The following SLC49A4 variants were observed in gnomAD, a reference collection of about 807,000 sequenced individuals.
SLC49A4 encodes solute carrier family 49 member 4, also known as disrupted in renal cancer protein 2.
SLC49A4 carries 36 observed loss-of-function variants against 50.6 expected under a neutral mutation model. The observed-to-expected ratio is 0.71, with a 90% CI of 0.55 to 0.94. The LOEUF (loss-of-function observed/expected upper bound fraction) is 0.94. Ranked by LOEUF, SLC49A4 falls within the 40% of genes least tolerant of loss-of-function variation. The probability of loss-of-function intolerance (pLI) is 0.00; values close to 1 mark genes in which losing one functional copy is unlikely to be tolerated. For synonymous variants in SLC49A4, 248 were observed against 241.2 expected, an observed-to-expected ratio of 1.03 and a Z score of -0.26; for missense variants, 503 against 605.7, an observed-to-expected ratio of 0.83 and a Z score of 1.78.
chr3:122,872,471 A>G lies in SLC49A4; in HGVS notation c.1195A>G (p.Ile399Val), dbSNP rs751927049. The stretch of plus-strand genomic sequence containing the variant: ...AGTGTTCTTGAATAGCAGCGTGCCT[A>G]TATTTTTTGAGCTTTTTGTGGAAAC... ...LGVFLNSSVPIFFELFVETVY... is the reference protein window; with the variant it reads ...LGVFLNSSVPVFFELFVETVY... The change falls in exon 8 of 9, where the codon ATA becomes GTA. Residue 399 changes from isoleucine (I) to valine (V), a missense_variant. Coordinates refer to ENST00000261038, the MANE Select transcript of SLC49A4 (RefSeq NM_032839.3). The G allele has an allele frequency of 5.6e-6, 9 of 1,613,856 alleles. No homozygotes were observed. The highest frequency in any genetic ancestry group is 1.3e-5 in the African/African-American group (1 of 74,908).
rs1469588680 is a variant in SLC49A4, at chr3:122,879,973, C to T, written c.*595C>T. On this transcript the variant is annotated 3_prime_UTR_variant, in exon 9 of 9. Coordinates refer to ENST00000261038, the MANE Select transcript of SLC49A4 (RefSeq NM_032839.3). ...CCATCTTTACTATGGTGATCAGGTG[C>T]TTTCCAGTGACTTCTGAGCATAGGC... 3.3e-5 allele frequency: 5 copies of T among 152,656 alleles called. No individual in the cohort carries two copies. The highest frequency in any genetic ancestry group is 7.2e-5 in the African/African-American group (3 of 41,466). The allele number at this position is 152,656 out of a possible 1,614,324, so 9.5% of individuals were successfully genotyped here.
intron 4 of SLC49A4, among the ~76,000 whole-genome samples, chr3:122,836,084 G>A (rs1936680461): frequency 1.3e-5 from 2 of 152,102 alleles, no homozygotes; most frequent in African/African-American, 4.8e-5. Flanking sequence ...ACAAAACACT[G>A]CTGAAAGAAA....
At chr3:122,817,839 C>T (rs78930232) in intron 2 of SLC49A4, among the ~76,000 whole-genome samples, 4,977 of 148,944 alleles carry the variant, frequency 0.033, 115 homozygotes, top group Non-Finnish European at 0.044. Flanking sequence ...ACATGATCCA[C>T]CTGCCCTGGC....
intron 4 of SLC49A4, among the ~76,000 whole-genome samples, chr3:122,842,599 G>A (rs1381268257): frequency 1.3e-5 from 2 of 150,432 alleles, no homozygotes; most frequent in Admixed American, 1.3e-4. Flanking sequence ...GGACTATTCT[G>A]TAGGAAATCG....
intron 4 of SLC49A4, among the ~76,000 whole-genome samples, chr3:122,840,577 T>A (rs1936757333): frequency 6.6e-6 from 1 of 152,134 alleles, no homozygotes. Flanking sequence ...ATCTAAAACA[T>A]TATTTTAACA....
intron 8 of SLC49A4, among the ~76,000 whole-genome samples, chr3:122,877,675 A>G (rs1006510926): frequency 2.6e-5 from 4 of 152,194 alleles, no homozygotes; most frequent in African/African-American, 4.8e-5. Flanking sequence ...CTGAAGTCCA[A>G]GCTCTCCCTT....
At chr3:122,855,941 T>A (rs1936983896) in intron 5 of SLC49A4, among the ~76,000 whole-genome samples, 1 of 152,248 alleles carries the variant, frequency 6.6e-6, no homozygotes, top group African/African-American at 2.4e-5. Flanking sequence ...ACATTTTTAG[T>A]TGTTGCCCCA....
chr3:122,797,705 G>A (rs1936066855), intron 1 of SLC49A4, among the ~76,000 whole-genome samples: 1 of 152,208 alleles, frequency 6.6e-6, no homozygotes, highest in African/African-American at 2.4e-5. Context: ...TTTCTGCTGG[G>A]CTCAGTGGCT....
chr3:122,825,769 T>G (rs1936517559), intron 2 of SLC49A4, among the ~76,000 whole-genome samples: 1 of 151,512 alleles, frequency 6.6e-6, no homozygotes, highest in Non-Finnish European at 1.5e-5. Flanking sequence ...GCAAGAGAGG[T>G]CGACACATCT....
At chr3:122,833,274 T>C (rs1215111654) in intron 3 of SLC49A4, 43 bp from the exon 4 acceptor site, 1 of 1,590,114 alleles carries the variant, frequency 6.3e-7, no homozygotes, top group Middle Eastern at 1.7e-4. Flanking sequence ...TCTTCAACTT[T>C]TTGTGTTTCC....
chr3:122,869,885 G>C, intron 7 of SLC49A4, among the ~76,000 whole-genome samples: 1 of 152,172 alleles, frequency 6.6e-6, no homozygotes, highest in Non-Finnish European at 1.5e-5. Flanking sequence ...TGTATCAGAA[G>C]AGACTGGACT....
intron 1 of SLC49A4, among the ~76,000 whole-genome samples, chr3:122,806,452 A>G (rs559198455): frequency 6.6e-6 from 1 of 152,044 alleles, no homozygotes; most frequent in Non-Finnish European, 1.5e-5. Context: ...ATCTCAGCTC[A>G]CTGTAGCCTC....
At chr3:122,834,311 C>A (rs1936646651) in intron 4 of SLC49A4, among the ~76,000 whole-genome samples, 1 of 152,112 alleles carries the variant, frequency 6.6e-6, no homozygotes, top group East Asian at 1.9e-4. Context: ...AGTAATCTTA[C>A]ATTTTCTGAT....
chr3:122,835,634 C>T (rs1936672868), intron 4 of SLC49A4, among the ~76,000 whole-genome samples: 1 of 151,948 alleles, frequency 6.6e-6, no homozygotes, highest in African/African-American at 2.4e-5. Flanking sequence ...ATATGACAAA[C>T]CCACAGCCAA....
chr3:122,822,321 G>A (rs906458438), intron 2 of SLC49A4, among the ~76,000 whole-genome samples: 4 of 152,134 alleles, frequency 2.6e-5, no homozygotes, highest in African/African-American at 4.8e-5. Context: ...ATCGTGAGTC[G>A]CATTTTATCT....
intron 6 of SLC49A4, among the ~76,000 whole-genome samples, chr3:122,859,118 G>A (rs1937026436): frequency 6.6e-6 from 1 of 152,194 alleles, no homozygotes; most frequent in Non-Finnish European, 1.5e-5. Context: ...GAAAGTGGAG[G>A]TGGGATGGGG....
intron 4 of SLC49A4, among the ~76,000 whole-genome samples, chr3:122,839,913 T>C (rs1336589402): frequency 2.6e-5 from 4 of 152,142 alleles, no homozygotes; most frequent in Non-Finnish European, 5.9e-5. Context: ...GAAAAGTCTT[T>C]ATATGAAAAA....
rs1189565563 is a variant in SLC49A4, at chr3:122,795,135, G to T, written c.-58G>T. 7.7e-7 allele frequency: 1 copy of T among 1,298,626 alleles called. No homozygotes were observed. Among genetic ancestry groups the T allele is most frequent in the African/African-American group, 1.6e-5 (1 of 64,482 alleles). The allele number at this position is 1,298,626 out of a possible 1,614,324, so 80.4% of individuals were successfully genotyped here. On this transcript the variant is annotated 5_prime_UTR_variant, in exon 1 of 9. Transcript: ENST00000261038. ...GCTGCTCAGGACTATTCTGCGCTGG[G>T]CTAGTCGGCGGTGACCCGGACTGCG...
intron 7 of SLC49A4, among the ~76,000 whole-genome samples, chr3:122,870,996 GTGAACA>G (rs773364767): frequency 3.3e-5 from 5 of 152,018 alleles, no homozygotes; most frequent in African/African-American, 9.7e-5. Context: ...CAAATATATT[GTGAACA>G]TGAAGTATTA....
Sources: allele counts gnomAD v4.1 joint callset (sites outside exome capture counted in the v4.1 genomes callset), GRCh38; gene constraint gnomAD v4.1.1; transcripts MANE v1.5; gene names NCBI Gene and HGNC (gene_info 2026-07-23, HGNC 2026-07-21).